The following ADAMTS5 variants were observed in gnomAD, a reference collection of about 807,000 sequenced individuals.
ADAMTS5 encodes A disintegrin and metalloproteinase with thrombospondin motifs 5.
A neutral mutation model predicts 81.4 loss-of-function variants in ADAMTS5; 54 were observed. That is an observed-to-expected ratio of 0.66 (90% confidence interval 0.53 to 0.83). ADAMTS5 has a LOEUF of 0.83. Ranked by LOEUF, ADAMTS5 falls within the 40% of genes least tolerant of loss-of-function variation. The pLI, the probability that ADAMTS5 is intolerant of heterozygous loss-of-function variation, is 0.00. For missense variants in ADAMTS5, 1,194 were observed against 1,229.9 expected (o/e 0.97, Z 0.44); for synonymous variants, 532 against 508.8 (o/e 1.05, Z -0.61).
At position 26,925,356 on chromosome 21, in the gene ADAMTS5, G is replaced by A. The variant is rs868649717; in HGVS notation, c.2226-736C>T. Among the ~76,000 whole-genome samples, 36 of 152,224 alleles carry A rather than the reference G, an allele frequency of 2.4e-4. No individual in the cohort carries two copies. In the Middle Eastern group the frequency reaches 0.027, roughly 115 times the overall value. The stretch of plus-strand genomic sequence containing the variant: ...ATATTACTAATACCATCATAAAAGG[G>A]GAATTTTTTTAAATGACTTAGAGAA... On this transcript the variant is annotated intron_variant, in intron 7 of 7. Coordinates refer to ENST00000284987, the MANE Select transcript of ADAMTS5 (RefSeq NM_007038.5).
At position 26,929,830 on chromosome 21, in the gene ADAMTS5, G is replaced by T. The variant is rs1160273435; in HGVS notation, c.2225+56C>A. 13 of 1,535,956 alleles carry T rather than the reference G, an allele frequency of 8.5e-6. No individual in the cohort carries two copies. The African/African-American group carries it at 1.4e-4, about 16-fold the overall frequency. ...ATATGAATCCTCCTTTATCAATTCT[G>T]CAAGAGTCTAAAGCTTTGTTCAATT... On this transcript the variant is annotated intron_variant, in intron 7 of 7. Transcript: ENST00000284987.
chr21:26,930,552 C>T (rs981185625), intron 6 of ADAMTS5, among the ~76,000 whole-genome samples: 2 of 152,156 alleles, frequency 1.3e-5, no homozygotes, highest in African/African-American at 4.8e-5. Flanking sequence ...GTGTGTTGAA[C>T]TGTCAGACAC....
chr21:26,939,727 T>C (rs1387424050), intron 3 of ADAMTS5: 4 of 152,240 alleles, frequency 2.6e-5, no homozygotes, highest in African/African-American at 9.6e-5. Flanking sequence ...CACAGCTATC[T>C]TTTCTGGACT....
intron 1 of ADAMTS5, among the ~76,000 whole-genome samples, chr21:26,960,814 A>G (rs1987516278): frequency 6.6e-6 from 1 of 152,122 alleles, no homozygotes; most frequent in Non-Finnish European, 1.5e-5. Flanking sequence ...ATCTATTACC[A>G]TTTCCCATTG....
chr21:26,933,690 A>T (rs1330085471), intron 4 of ADAMTS5, among the ~76,000 whole-genome samples: 1 of 152,214 alleles, frequency 6.6e-6, no homozygotes, highest in Non-Finnish European at 1.5e-5. Flanking sequence ...TTTCTCTGGA[A>T]ACATTCCTGG....
At chr21:26,934,846 G>A in intron 3 of ADAMTS5, 97 bp from the exon 4 acceptor site, 1 of 1,474,612 alleles carries the variant, frequency 6.8e-7, no homozygotes, top group Non-Finnish European at 9.2e-7. Flanking sequence ...TGGTGTTGGA[G>A]CACGAGGCAC....
At chr21:26,946,434 G>T (rs1364669560) in intron 2 of ADAMTS5, among the ~76,000 whole-genome samples, 2 of 152,154 alleles carry the variant, frequency 1.3e-5, no homozygotes, top group Non-Finnish European at 2.9e-5. Context: ...AGAATCCGGG[G>T]AATTTAAAAT....
chr21:26,925,051 C>T (rs966075564), intron 7 of ADAMTS5, among the ~76,000 whole-genome samples: 1 of 152,138 alleles, frequency 6.6e-6, no homozygotes, highest in African/African-American at 2.4e-5. Context: ...TAATATTTCT[C>T]AGATTGCTTC....
chr21:26,957,934 C>T lies in ADAMTS5; in HGVS notation c.1105-3063G>A, dbSNP rs565376769. Among the ~76,000 whole-genome samples, 134 of 152,204 alleles carry T rather than the reference C, an allele frequency of 8.8e-4. 1 individual carries two copies. Among genetic ancestry groups the T allele is most frequent in the Admixed American group, 2.5e-3 (38 of 15,282 alleles). ...TGTGATTTATCACAGAATTTTGAAG[C>T]CGTAATAATACCCAAGATCTACTGG... On this transcript the variant is annotated intron_variant, in intron 1 of 7. Transcript: ENST00000284987.
At chr21:26,936,397 A>T (rs1032429010) in intron 3 of ADAMTS5, among the ~76,000 whole-genome samples, 4 of 152,252 alleles carry the variant, frequency 2.6e-5, no homozygotes, top group Non-Finnish European at 5.9e-5. Flanking sequence ...TGGTAGTTGT[A>T]TCCCAGTATA....
chr21:26,939,006 A>G (rs898033065), intron 3 of ADAMTS5, among the ~76,000 whole-genome samples: 33 of 152,194 alleles, frequency 2.2e-4, no homozygotes, highest in African/African-American at 8.0e-4. Flanking sequence ...GAAGAAGCCT[A>G]ACACCACTGC....
chr21:26,959,981 C>T (rs949434071), intron 1 of ADAMTS5, among the ~76,000 whole-genome samples: 3 of 152,172 alleles, frequency 2.0e-5, no homozygotes, highest in African/African-American at 7.2e-5. Context: ...GCATTCAAAA[C>T]CTGGCACACT....
Position 26,921,806 on chromosome 21 carries a change from C to T in ADAMTS5, c.*2247G>A, listed in dbSNP as rs1284373788. On this transcript the variant is annotated 3_prime_UTR_variant, in exon 8 of 8. Transcript: ENST00000284987. ...TGTTTCCATGACAGGTGTAAACCAT[C>T]ACTATTTGAGGGAAACATGAATCAT... 2 of 152,400 alleles carry T rather than the reference C, an allele frequency of 1.3e-5. No individual in the cohort carries two copies. Among genetic ancestry groups the T allele is most frequent in the Middle Eastern group, 3.2e-3 (1 of 316 alleles). The allele number at this position is 152,400 out of a possible 1,614,324, so 9.4% of individuals were successfully genotyped here.
rs200065623 is a variant in ADAMTS5 at position 26,954,792 on chromosome 21, G to T, written c.1184C>A (p.Ala395Asp). 1.2e-6 allele frequency: 2 copies of T among 1,614,128 alleles called. No homozygotes were observed. Among genetic ancestry groups the T allele is most frequent in the Non-Finnish European group, 1.7e-6 (2 of 1,179,994 alleles). Residue 395 changes from alanine to aspartate, a missense_variant, in exon 2 of 8, where the codon GCT (alanine) becomes GAT (aspartate). Transcript: ENST00000284987. ...GTICSPERSC[A>D]VIEDDGLHAA... ...GTGGAGGCCATCGTCTTCAATCACA[G>T]CACAGCTGCGCTCTGGAGAACATAT...
At position 26,965,705 on chromosome 21, in the gene ADAMTS5, G is replaced by A; in HGVS notation, c.687C>T (p.Ser229=). The A allele has an allele frequency of 6.3e-7, 1 of 1,582,272 alleles. No individual in the cohort carries two copies. Among genetic ancestry groups the A allele is most frequent in the Non-Finnish European group, 8.6e-7 (1 of 1,166,312 alleles). ...GCTGCGAGGCCAGTGCTGCGCGTCC[G>A]CTCGGGTTGCTGTGCGCCGGAGCAT... ...HEHAPAHSNP[S]GRAALASQLL... The change falls in exon 1 of 8, where the codon AGC becomes AGT. Residue 229 remains serine (S), a synonymous_variant. Coordinates refer to ENST00000284987, the MANE Select transcript of ADAMTS5 (RefSeq NM_007038.5).
In ADAMTS5 at chr21:26,922,993, T is replaced by C. The variant is rs1255617404; in HGVS notation, c.*1060A>G. 5.9e-5 allele frequency: 9 copies of C among 152,424 alleles called. No homozygotes were observed. 9.4% of individuals were successfully genotyped at this position (152,424 alleles called of 1,614,324 possible). ...AACATTGTAGGTCTTACTGAACCCT[T>C]GAACAAAACAAATAAGCAAACACAA... On this transcript the variant is annotated 3_prime_UTR_variant, in exon 8 of 8. Transcript: ENST00000284987.
At chr21:26,945,421 C>A (rs1987196740) in intron 2 of ADAMTS5, among the ~76,000 whole-genome samples, 1 of 152,146 alleles carries the variant, frequency 6.6e-6, no homozygotes, top group Admixed American at 6.5e-5. Flanking sequence ...ATACATTCTA[C>A]TTCATAGGAT....
Position 26,965,662 on chromosome 21 carries a change from G to C in ADAMTS5, c.730C>G (p.Leu244Val), listed in dbSNP as rs115293689. 1.9e-6 allele frequency: 3 copies of C among 1,590,996 alleles called. No homozygotes were observed. The highest frequency in any genetic ancestry group is 2.7e-5 in the African/African-American group (2 of 74,402). Residue 244 changes from leucine to valine, a missense_variant, in exon 1 of 8, where the codon CTC becomes GTC. By Grantham distance (32) the Leu-to-Val change is conservative (BLOSUM62 1). Coordinates refer to ENST00000284987, the MANE Select transcript of ADAMTS5 (RefSeq NM_007038.5). ...LASQLLDQSA[L>V]SPAGGSGPQT... ...GGTCCTGAGCCCCCAGCGGGCGAGA[G>C]AGCGGACTGGTCCAAGAGCTGCGAG...
chr21:26,966,396 C>T lies in ADAMTS5; in HGVS notation c.-5G>A, dbSNP rs983300110. Reference sequence around the variant, plus strand: ...GGACGCCCACCCGAGCAGCATAGTGCGCTGCCCGCGGGGAGGGGCTGCGCG... The same window carrying T: ...GGACGCCCACCCGAGCAGCATAGTGTGCTGCCCGCGGGGAGGGGCTGCGCG... On this transcript the variant is annotated 5_prime_UTR_variant, in exon 1 of 8. Coordinates refer to ENST00000284987, the MANE Select transcript of ADAMTS5 (RefSeq NM_007038.5). The T allele has an allele frequency of 6.7e-5, 96 of 1,436,458 alleles. No individual in the cohort carries two copies. Among genetic ancestry groups the T allele is most frequent in the Non-Finnish European group, 7.9e-5 (87 of 1,108,216 alleles). 89.0% of individuals were successfully genotyped at this position (1,436,458 alleles called of 1,614,324 possible). A position where few individuals can be genotyped will look rare whatever the true frequency, so the allele number is the denominator to read the frequency against.
Sources: gnomAD v4.1 joint callset for allele counts (sites outside exome capture counted in the v4.1 genomes callset) on GRCh38, gnomAD v4.1.1 for gene constraint, MANE v1.5 for transcripts, NCBI Gene and HGNC (gene_info 2026-07-23, HGNC 2026-07-21) for gene names.